Variants in PLAA observed in about 807,000 individuals in gnomAD.
PLAA encodes phospholipase A-2-activating protein.
In PLAA, 48 loss-of-function variants were observed where a neutral mutation model predicts 84.1. The observed-to-expected ratio is 0.57, with a 90% CI of 0.45 to 0.73. PLAA has a LOEUF of 0.73. PLAA is among the 30% of genes least tolerant of loss of function. The pLI is 0.00. For missense variants in PLAA, 903 were observed against 954.7 expected (o/e 0.95, Z 0.71); for synonymous variants, 392 against 336.6 (o/e 1.16, Z -1.80).
At chr9:26,936,059 T>C (rs1206236503) in intron 1 of PLAA, among the ~76,000 whole-genome samples, 1 of 152,020 alleles carries the variant, frequency 6.6e-6, no homozygotes, top group Non-Finnish European at 1.5e-5. Flanking sequence ...AAGAATTATA[T>C]CCCTGACTCA....
In PLAA at chr9:26,929,941, A is replaced by G. The variant is rs530528799; in HGVS notation, c.344-1533T>C. On this transcript the variant is annotated intron_variant, in intron 2 of 13. Coordinates refer to ENST00000397292, the MANE Select transcript of PLAA (RefSeq NM_001031689.3). ...TTTCCTCCTCCATTTGAAGTTAGGC[A>G]TAGCCATGATACTTGCATTAGTCAC... is the stretch of plus-strand genomic sequence containing the variant. Among the ~76,000 whole-genome samples, 6 of 152,274 alleles carry G rather than the reference A, an allele frequency of 3.9e-5. No homozygotes were observed. In the South Asian group the frequency reaches 1.2e-3, roughly 32 times the overall value.
chr9:26,920,816 T>C (rs938008049), intron 7 of PLAA, among the ~76,000 whole-genome samples: 7 of 152,146 alleles, frequency 4.6e-5, no homozygotes, highest in African/African-American at 1.2e-4. Flanking sequence ...TTCTTTAAAA[T>C]ATATCTAGAA....
At chr9:26,915,678 C>T in intron 10 of PLAA, 1 of 981,152 alleles carries the variant, frequency 1.0e-6, no homozygotes, top group Non-Finnish European at 1.2e-6. Flanking sequence ...TATCCTGATA[C>T]CCTAATTCTC....
intron 1 of PLAA, among the ~76,000 whole-genome samples, chr9:26,940,323 G>C (rs1825492262): frequency 6.6e-6 from 1 of 152,168 alleles, no homozygotes; most frequent in Admixed American, 6.5e-5. Context: ...GCCTTAAAAA[G>C]GAGGGAAATT....
chr9:26,906,159 C>T, intron 13 of PLAA, 83 bp from the exon 14 acceptor site: 1 of 872,956 alleles, frequency 1.1e-6, no homozygotes, highest in Non-Finnish European at 1.6e-6. Context: ...TTTTATTTTC[C>T]CACTGCAAAA....
intron 2 of PLAA, among the ~76,000 whole-genome samples, chr9:26,933,329 G>A (rs1825245832): frequency 6.6e-6 from 1 of 151,476 alleles, no homozygotes; most frequent in African/African-American, 2.4e-5. Context: ...CAGCTACTCT[G>A]GAGGCTGAGG....
At chr9:26,928,045 A>G in intron 4 of PLAA, 55 bp downstream of exon 4, 8 of 1,544,942 alleles carry the variant, frequency 5.2e-6, no homozygotes, top group Non-Finnish European at 7.0e-6. Flanking sequence ...TGAGAAAAAA[A>G]ATCTGAGCAA....
rs1283113726 is a variant in PLAA, at chr9:26,920,294, A to G, written c.1130T>C (p.Ile377Thr). ...WSVSEGRWIKIGDVVGSSGAN... is the reference protein window; with the variant it reads ...WSVSEGRWIKTGDVVGSSGAN... ...ACCAGATGAGCCAACAACATCACCA[A>G]TTTTTATCCACCTCCCTTCACTAAC... is the stretch of plus-strand genomic sequence containing the variant. Residue 377 changes from isoleucine (I) to threonine (T), a missense_variant, in exon 8 of 14, where the codon ATT (isoleucine) becomes ACT (threonine). Transcript: ENST00000397292. 2 of 1,613,886 alleles carry G rather than the reference A, an allele frequency of 1.2e-6. No homozygotes were observed. Among genetic ancestry groups the G allele is most frequent in the Non-Finnish European group, 1.7e-6 (2 of 1,179,868 alleles).
intron 10 of PLAA, 22 bp from the exon 11 acceptor site, chr9:26,913,969 A>G: frequency 6.5e-7 from 1 of 1,544,096 alleles, no homozygotes. Flanking sequence ...TAATACTCCT[A>G]GTAAGCAAAG....
chr9:26,927,021 G>C (rs920332532), intron 4 of PLAA, among the ~76,000 whole-genome samples: 10 of 151,886 alleles, frequency 6.6e-5, no homozygotes, highest in Non-Finnish European at 1.2e-4. Flanking sequence ...AGCTATCACA[G>C]ATTAATAATG....
rs988527311 is a variant in PLAA at position 26,903,417 on chromosome 9, A to G, written c.*2094T>C. ...TAATGTGGAGCTCTTTGTACCAAAT[A>G]TAAGTTTAAAAATCAGGTTATCAAA... On this transcript the variant is annotated 3_prime_UTR_variant, in exon 14 of 14. Transcript: ENST00000397292. Among the ~76,000 whole-genome samples the G allele has an allele frequency of 3.3e-5, 5 of 152,164 alleles. No homozygotes were observed. The highest frequency in any genetic ancestry group is 1.3e-4 in the Admixed American group (2 of 15,278).
rs774402581 is a variant in PLAA, at chr9:26,907,263, G to A, written c.1822+571C>T. Among the ~76,000 whole-genome samples the A allele has an allele frequency of 1.5e-4, 23 of 152,030 alleles. 1 individual carries two copies. Among genetic ancestry groups the A allele is most frequent in the Admixed American group, 5.9e-4 (9 of 15,264 alleles). On this transcript the variant is annotated intron_variant, in intron 13 of 13. Coordinates refer to ENST00000397292, the MANE Select transcript of PLAA (RefSeq NM_001031689.3). The stretch of plus-strand genomic sequence containing the variant: ...ACAGTAAACAAACAGGTGCATGCCC[G>A]GGCGCGGTGGCTCACGCCTGTAATC...
At chr9:26,944,872 G>A (rs1478445254) in intron 1 of PLAA, among the ~76,000 whole-genome samples, 2 of 152,232 alleles carry the variant, frequency 1.3e-5, no homozygotes, top group Admixed American at 6.5e-5. Context: ...GCTCACGCCT[G>A]TAATCCCAAC....
chr9:26,940,494 G>A (rs1249379449), intron 1 of PLAA, among the ~76,000 whole-genome samples: 6 of 152,194 alleles, frequency 3.9e-5, no homozygotes, highest in African/African-American at 1.4e-4. Context: ...CAGGGTCTGG[G>A]GGTGGAGACA....
chr9:26,938,520 C>T (rs1338796821), intron 1 of PLAA, among the ~76,000 whole-genome samples: 2 of 149,320 alleles, frequency 1.3e-5, no homozygotes, highest in Non-Finnish European at 3.0e-5. Flanking sequence ...CCACTGTATG[C>T]CCGCCTGGGC....
At chr9:26,916,012 T>A in intron 10 of PLAA, 1 of 985,444 alleles carries the variant, frequency 1.0e-6, no homozygotes, top group Non-Finnish European at 1.2e-6. Context: ...TAACAGCCAC[T>A]GTGCCATAAC....
chr9:26,910,463 G>C, intron 11 of PLAA, 24 bp from the exon 12 acceptor site: 3 of 1,546,080 alleles, frequency 1.9e-6, no homozygotes, highest in Non-Finnish European at 2.7e-6. Flanking sequence ...AGAAGATGAT[G>C]ATAATCACAA....
chr9:26,927,910 T>C (rs1825029505), intron 4 of PLAA, among the ~76,000 whole-genome samples, 190 bp downstream of exon 4: 1 of 152,220 alleles, frequency 6.6e-6, no homozygotes, highest in African/African-American at 2.4e-5. Flanking sequence ...TTTGGCTGTT[T>C]TATGAGAGGT....
intron 7 of PLAA, among the ~76,000 whole-genome samples, chr9:26,922,132 C>A (rs1427796226): frequency 6.6e-6 from 1 of 152,116 alleles, no homozygotes; most frequent in African/African-American, 2.4e-5. Context: ...TTTGAGACAC[C>A]ACAGTATTTT....
Sources: gnomAD v4.1 joint callset for allele counts (sites outside exome capture counted in the v4.1 genomes callset) on GRCh38, gnomAD v4.1.1 for gene constraint, MANE v1.5 for transcripts, NCBI Gene and HGNC (gene_info 2026-07-23, HGNC 2026-07-21) for gene names.